The following LIPI variants were observed in gnomAD, a reference collection of about 807,000 sequenced individuals.
The protein encoded by LIPI is lipase member I.
In LIPI, 59 loss-of-function variants were observed where a neutral mutation model predicts 50.6. That is an observed-to-expected ratio of 1.16 (90% CI 0.94 to 1.45). The LOEUF (loss-of-function observed/expected upper bound fraction) is 1.45. Among genes scored for constraint, LIPI ranks in the 40% most tolerant of loss-of-function variants. The pLI is 0.00. For missense variants in LIPI, 586 were observed against 536.3 expected (o/e 1.09, Z -0.92); for synonymous variants, 203 against 178.2 (o/e 1.14, Z -1.11).
chr21:14,111,058 G>T (rs564099886), intron 9 of LIPI, among the ~76,000 whole-genome samples: 1 of 151,684 alleles, frequency 6.6e-6, no homozygotes, highest in East Asian at 1.9e-4. Context: ...TGGAAGTGCA[G>T]ATATCTCTTC....
At chr21:14,175,960 C>T (rs1166225153) in intron 4 of LIPI, among the ~76,000 whole-genome samples, 5 of 152,058 alleles carry the variant, frequency 3.3e-5, no homozygotes, top group African/African-American at 7.2e-5. Context: ...GGGCGGATCA[C>T]AAGGTCAGGA....
chr21:14,174,212 G>T (rs528922936), intron 4 of LIPI, among the ~76,000 whole-genome samples: 28 of 152,110 alleles, frequency 1.8e-4, no homozygotes, highest in Non-Finnish European at 3.8e-4. Context: ...CTTGATTCAG[G>T]CATGTCATTT....
At chr21:14,109,723 CATATTTTTGCAAATATCCT>C (rs1438636519) in intron 9 of LIPI, among the ~76,000 whole-genome samples, 1 of 151,936 alleles carries the variant, frequency 6.6e-6, no homozygotes, top group African/African-American at 2.4e-5. Flanking sequence ...ATAGTAAATA[CATATTTTTGCAAATATCCT>C]ATATTTTACA....
chr21:14,192,792 A>T (rs971857065), intron 1 of LIPI, among the ~76,000 whole-genome samples: 6 of 152,236 alleles, frequency 3.9e-5, no homozygotes, highest in African/African-American at 1.4e-4. Context: ...AAAACATTCC[A>T]ACATTCCCAC....
At chr21:14,156,576 T>C (rs2018279108) in intron 7 of LIPI, among the ~76,000 whole-genome samples, 1 of 151,976 alleles carries the variant, frequency 6.6e-6, no homozygotes, top group Non-Finnish European at 1.5e-5. Flanking sequence ...TAAGATAGTA[T>C]ATTTGTGTTG....
At chr21:14,133,675 G>T (rs1318005963) in intron 9 of LIPI, among the ~76,000 whole-genome samples, 1 of 152,076 alleles carries the variant, frequency 6.6e-6, no homozygotes, top group Non-Finnish European at 1.5e-5. Context: ...TTGGAAAAGA[G>T]GAAGTAAAAT....
At chr21:14,148,996 T>C (rs548920257) in intron 8 of LIPI, among the ~76,000 whole-genome samples, 143 of 152,338 alleles carry the variant, frequency 9.4e-4, no homozygotes, top group African/African-American at 3.3e-3. Flanking sequence ...CTTTGCCTTC[T>C]GAACAAATTT....
intron 9 of LIPI, among the ~76,000 whole-genome samples, chr21:14,115,716 G>A (rs189142626): frequency 6.6e-6 from 1 of 152,270 alleles, no homozygotes; most frequent in Admixed American, 6.5e-5. Flanking sequence ...CGACTCAGGA[G>A]TTGCAGGAGA....
chr21:14,162,293 G>A (rs1218766694), intron 7 of LIPI, among the ~76,000 whole-genome samples: 1 of 151,444 alleles, frequency 6.6e-6, no homozygotes, highest in African/African-American at 2.4e-5. Context: ...TTCTAGAAAT[G>A]TGTGAATGGA....
chr21:14,172,799 T>G (rs886133138), intron 4 of LIPI, among the ~76,000 whole-genome samples: 6 of 151,908 alleles, frequency 3.9e-5, no homozygotes, highest in African/African-American at 2.4e-5. Flanking sequence ...CACACCAGCA[T>G]GGCACATGTA....
intron 4 of LIPI, among the ~76,000 whole-genome samples, chr21:14,167,192 G>A (rs1420256408): frequency 1.3e-5 from 2 of 152,222 alleles, no homozygotes; most frequent in African/African-American, 4.8e-5. Flanking sequence ...GCTTGCTTAG[G>A]TAAACAAAGC....
At chr21:14,116,802 C>T (rs980206770) in intron 9 of LIPI, among the ~76,000 whole-genome samples, 19 of 151,958 alleles carry the variant, frequency 1.3e-4, no homozygotes, top group Admixed American at 7.9e-4. Flanking sequence ...TCTAGTGGCT[C>T]GAACAAAACA....
intron 9 of LIPI, among the ~76,000 whole-genome samples, chr21:14,117,881 C>T (rs1164165050): frequency 6.6e-6 from 1 of 151,910 alleles, no homozygotes; most frequent in Admixed American, 6.6e-5. Flanking sequence ...AAGGAAAAGG[C>T]AGAGTTCTTG....
intron 1 of LIPI, among the ~76,000 whole-genome samples, chr21:14,192,977 C>T (rs1202538054): frequency 2.6e-5 from 4 of 152,090 alleles, no homozygotes; most frequent in Admixed American, 2.6e-4. Context: ...AACAGTTTTG[C>T]TTTGTAACTT....
intron 9 of LIPI, among the ~76,000 whole-genome samples, chr21:14,112,905 C>T (rs1468480911): frequency 6.6e-6 from 1 of 151,928 alleles, no homozygotes; most frequent in African/African-American, 2.4e-5. Context: ...ATAAGGTTTC[C>T]AGCAATAACA....
At chr21:14,124,305 G>C (rs957022525) in intron 9 of LIPI, among the ~76,000 whole-genome samples, 1 of 152,084 alleles carries the variant, frequency 6.6e-6, no homozygotes, top group South Asian at 2.1e-4. Flanking sequence ...AGCACCAAAG[G>C]GGGAGATGAA....
chr21:14,163,251 A>G lies in LIPI; in HGVS notation c.1006+168T>C, dbSNP rs545395740. On this transcript the variant is annotated intron_variant, in intron 7 of 9. Transcript: ENST00000681601. ...GCGTCTCTCCATTTTATCTAAAAAA[A>G]GATCAAGTCCTTAGTTGAATTTGTC... Among the ~76,000 whole-genome samples the G allele has an allele frequency of 2.6e-5, 4 of 152,104 alleles. No homozygotes were observed. The East Asian group carries it at 5.8e-4, about 22-fold the overall frequency.
At chr21:14,115,332 C>T (rs1304302837) in intron 9 of LIPI, among the ~76,000 whole-genome samples, 1 of 152,188 alleles carries the variant, frequency 6.6e-6, no homozygotes, top group Admixed American at 6.5e-5. Context: ...GACTGATCAA[C>T]TGCCTTTTTT....
intron 4 of LIPI, among the ~76,000 whole-genome samples, chr21:14,180,040 A>T (rs908195580): frequency 2.0e-5 from 3 of 152,108 alleles, no homozygotes; most frequent in Non-Finnish European, 4.4e-5. Flanking sequence ...CTGGGAAATG[A>T]ATGCATTCCT....
Sources: allele counts gnomAD v4.1 joint callset (sites outside exome capture counted in the v4.1 genomes callset), GRCh38; gene constraint gnomAD v4.1.1; transcripts MANE v1.5; gene names NCBI Gene and HGNC (gene_info 2026-07-23, HGNC 2026-07-21).